CACNA2D3: variants seen among roughly 807,000 people sequenced by gnomAD.
CACNA2D3 encodes the protein voltage-dependent calcium channel subunit alpha-2/delta-3.
Under a neutral mutation model 160.6 loss-of-function variants are expected in CACNA2D3, and 60 were observed. That is an observed-to-expected ratio of 0.37 (90% CI 0.30 to 0.46). CACNA2D3 has a LOEUF of 0.46. Ranked by LOEUF, CACNA2D3 falls within the 20% of genes least tolerant of loss-of-function variation. CACNA2D3 has a pLI of 1.00. For missense variants in CACNA2D3, 1,205 were observed against 1,365.0 expected (o/e 0.88, Z 1.85); for synonymous variants, 558 against 492.9 (o/e 1.13, Z -1.75).
rs145381125 is a variant in CACNA2D3, at chr3:55,023,196, A to G, written c.2987+4879A>G. On this transcript the variant is annotated intron_variant, in intron 35 of 37. Transcript: ENST00000474759. ...CTCACTTTTAGCCTTGTACCTTTGT[A>G]GGTAGTCTGACCTCTCCCCCGTTTC... Among the ~76,000 whole-genome samples the G allele has an allele frequency of 1.2e-3, 189 of 152,256 alleles. No individual in the cohort carries two copies. In the Middle Eastern group the frequency reaches 0.014, roughly 11 times the overall value.
chr3:54,703,639 G>A (rs1284152523), intron 11 of CACNA2D3, among the ~76,000 whole-genome samples: 1 of 152,142 alleles, frequency 6.6e-6, no homozygotes, highest in Non-Finnish European at 1.5e-5. Context: ...TCCCATCTTT[G>A]TAAGGTCTCA....
chr3:54,464,945 C>A (rs1700589618), intron 4 of CACNA2D3, among the ~76,000 whole-genome samples: 1 of 152,110 alleles, frequency 6.6e-6, no homozygotes, highest in Non-Finnish European at 1.5e-5. Flanking sequence ...ATGCCTTTTC[C>A]CATCTCTTCT....
chr3:54,874,658 C>T (rs905375597), intron 18 of CACNA2D3: 6 of 152,060 alleles, frequency 3.9e-5, no homozygotes, highest in Non-Finnish European at 8.8e-5. Flanking sequence ...GGTGTTTTAT[C>T]TCCATTGTAC....
At chr3:54,495,862 A>G (rs1701194686) in intron 4 of CACNA2D3, among the ~76,000 whole-genome samples, 1 of 152,192 alleles carries the variant, frequency 6.6e-6, no homozygotes, top group Middle Eastern at 3.2e-3. Context: ...GAGTGCCATC[A>G]CTATTGAATA....
intron 2 of CACNA2D3, among the ~76,000 whole-genome samples, chr3:54,303,931 C>T (rs776207367): frequency 8.0e-5 from 12 of 150,652 alleles, no homozygotes; most frequent in African/African-American, 2.9e-4. Context: ...TTTGAGATGC[C>T]TGGGACAGAA....
At chr3:54,679,159 TCCTTAGCCTCCTTAGGGCTC>T (rs1290355915) in intron 11 of CACNA2D3, among the ~76,000 whole-genome samples, 1 of 152,190 alleles carries the variant, frequency 6.6e-6, no homozygotes, top group African/African-American at 2.4e-5. Flanking sequence ...TTGGTCCTTT[TCCTTAGCCTCCTTAGGGCTC>T]CCTTAGGCTC....
intron 11 of CACNA2D3, among the ~76,000 whole-genome samples, chr3:54,715,635 G>A (rs965373759): frequency 6.6e-6 from 1 of 151,968 alleles, no homozygotes; most frequent in Non-Finnish European, 1.5e-5. Flanking sequence ...AAGTCATCTC[G>A]TTAGCATACA....
intron 35 of CACNA2D3, among the ~76,000 whole-genome samples, chr3:55,054,337 G>T (rs1279467440): frequency 6.6e-6 from 1 of 151,546 alleles, no homozygotes; most frequent in Non-Finnish European, 1.5e-5. Context: ...TTTTAACCTT[G>T]TTTTTCTCTT....
chr3:54,924,574 G>A (rs1700955187), intron 27 of CACNA2D3: 2 of 1,444,620 alleles, frequency 1.4e-6, no homozygotes, highest in Non-Finnish European at 1.9e-6. Context: ...ATTCATCCTA[G>A]GCTGGTAACA....
chr3:54,323,511 G>C (rs1575394998), intron 3 of CACNA2D3, among the ~76,000 whole-genome samples: 1 of 146,460 alleles, frequency 6.8e-6, no homozygotes, highest in South Asian at 2.1e-4. Context: ...CTGTTGCCCA[G>C]GCTGGAGTGC....
intron 4 of CACNA2D3, among the ~76,000 whole-genome samples, chr3:54,454,264 A>G (rs1319222124): frequency 1.3e-5 from 2 of 152,192 alleles, no homozygotes; most frequent in Admixed American, 6.5e-5. Context: ...CTTTAAGTGT[A>G]CAATTTGATG....
chr3:54,664,242 C>G (rs1485203046), intron 11 of CACNA2D3, among the ~76,000 whole-genome samples: 4 of 152,206 alleles, frequency 2.6e-5, no homozygotes, highest in African/African-American at 9.6e-5. Flanking sequence ...CACAACAAGG[C>G]CAGTGGTGTC....
intron 2 of CACNA2D3, among the ~76,000 whole-genome samples, chr3:54,163,936 T>C (rs991040849): frequency 4.6e-5 from 7 of 152,102 alleles, no homozygotes; most frequent in African/African-American, 1.7e-4. Flanking sequence ...TTTGGTACAG[T>C]GTGGTTGGTT....
At chr3:54,920,424 T>C (rs1388077820) in intron 27 of CACNA2D3, among the ~76,000 whole-genome samples, 1 of 152,166 alleles carries the variant, frequency 6.6e-6, no homozygotes, top group African/African-American at 2.4e-5. Context: ...CCAGAGTGTC[T>C]TGGGTTCCTC....
chr3:54,500,422 T>C (rs1307389534), intron 4 of CACNA2D3, among the ~76,000 whole-genome samples: 2 of 152,142 alleles, frequency 1.3e-5, no homozygotes, highest in African/African-American at 4.8e-5. Context: ...GTTGGATTTA[T>C]ATGTACCATA....
intron 5 of CACNA2D3, among the ~76,000 whole-genome samples, chr3:54,527,559 G>A (rs141284340): frequency 0.01 from 1,544 of 152,308 alleles, 14 homozygotes; most frequent in Middle Eastern, 0.02. Context: ...AGAGCAATCA[G>A]GGTCCCAGTC....
In CACNA2D3 at chr3:54,816,878, C is replaced by A; in HGVS notation, c.1398+8C>A. The stretch of plus-strand genomic sequence containing the variant: ...CTCCCTCAGGCACAAAAGGTAAATT[C>A]TCTTCTGTCACATTCCAGTCACCCC... On this transcript the variant is annotated splice_region_variant and intron_variant, in intron 14 of 37. Transcript: ENST00000474759. 2 of 1,613,750 alleles carry A rather than the reference C, an allele frequency of 1.2e-6. No individual in the cohort carries two copies. Among genetic ancestry groups the A allele is most frequent in the Non-Finnish European group, 1.7e-6 (2 of 1,179,786 alleles).
intron 17 of CACNA2D3, among the ~76,000 whole-genome samples, chr3:54,846,701 A>G (rs548675452): frequency 3.0e-4 from 45 of 152,328 alleles, no homozygotes; most frequent in African/African-American, 1.0e-3. Flanking sequence ...ATATATGTGT[A>G]TATGCATTTA....
chr3:54,652,314 C>G (rs1291085814), intron 11 of CACNA2D3, among the ~76,000 whole-genome samples: 3 of 152,200 alleles, frequency 2.0e-5, no homozygotes, highest in Admixed American at 6.5e-5. Flanking sequence ...CGCTGTGTCT[C>G]GCAGTCCATT....
Sources: allele counts gnomAD v4.1 joint callset (sites outside exome capture counted in the v4.1 genomes callset), GRCh38; gene constraint gnomAD v4.1.1; transcripts MANE v1.5; gene names NCBI Gene and HGNC (gene_info 2026-07-23, HGNC 2026-07-21).